Variants in RYR3 observed in about 807,000 individuals in gnomAD.
The protein encoded by RYR3 is brain ryanodine receptor-calcium release channel.
RYR3 carries 207 observed loss-of-function variants against 584.3 expected under a neutral mutation model. That is an observed-to-expected ratio of 0.35 (90% CI 0.32 to 0.40). The LOEUF (loss-of-function observed/expected upper bound fraction) is 0.40, where lower values mean the gene tolerates loss of function less well. RYR3 is among the 10% of genes least tolerant of loss of function. The probability of loss-of-function intolerance (pLI) is 1.00; values close to 1 mark genes in which losing one functional copy is unlikely to be tolerated. For synonymous variants in RYR3, 2,416 were observed against 2,248.5 expected, an observed-to-expected ratio of 1.07 and a Z score of -2.11; for missense variants, 5,616 against 6,089.2, an observed-to-expected ratio of 0.92 and a Z score of 2.59.
At chr15:33,517,694 G>A (rs757396189) in intron 3 of RYR3, among the ~76,000 whole-genome samples, 1 of 152,070 alleles carries the variant, frequency 6.6e-6, no homozygotes, top group African/African-American at 2.4e-5. Context: ...TCTACCCCAG[G>A]ACATGACATT....
In RYR3 at chr15:33,836,908, T is replaced by C. The variant is rs766163909; in HGVS notation, c.11571T>C (p.Asp3857=). The change falls in exon 88 of 104, where the codon GAT becomes GAC. Residue 3857 remains aspartate, a splice_region_variant and synonymous_variant. Transcript: ENST00000634891. ...GGTATCTCCTGTTTCTGTTCTAGGATTCCAGTCAGATCGAGCTGCTGAAGG... is the reference window on the plus strand; with the variant it reads ...GGTATCTCCTGTTTCTGTTCTAGGACTCCAGTCAGATCGAGCTGCTGAAGG... ...FANMQMKLSQ[D]SSQIELLKEL... 5 of 1,613,024 alleles carry C rather than the reference T, an allele frequency of 3.1e-6. No homozygotes were observed. Among genetic ancestry groups the C allele is most frequent in the Non-Finnish European group, 4.2e-6 (5 of 1,179,454 alleles).
At chr15:33,397,587 C>T (rs1340010114) in intron 1 of RYR3, among the ~76,000 whole-genome samples, 1 of 152,120 alleles carries the variant, frequency 6.6e-6, no homozygotes, top group Admixed American at 6.5e-5. Flanking sequence ...GGGGCATCGT[C>T]TGTGATTTAG....
At chr15:33,396,632 A>C (rs1417144569) in intron 1 of RYR3, among the ~76,000 whole-genome samples, 5 of 152,172 alleles carry the variant, frequency 3.3e-5, no homozygotes, top group Non-Finnish European at 5.9e-5. Context: ...CCTGTGTACA[A>C]ATCTAATGCA....
At position 33,645,396 on chromosome 15, in the gene RYR3, G is replaced by C. The variant is rs145035551; in HGVS notation, c.3765+877G>C. 1.3e-3 allele frequency among the ~76,000 whole-genome samples: 194 copies of C among 152,256 alleles called. 1 individual carries two copies. The highest frequency in any genetic ancestry group is 4.5e-3 in the African/African-American group (189 of 41,542). Reference sequence around the variant, plus strand: ...TTAGTCAAGTTAGATTCAGTGGTTTGCTTCAACCTCACTGTAAGTTCCTTA... The same window carrying C: ...TTAGTCAAGTTAGATTCAGTGGTTTCCTTCAACCTCACTGTAAGTTCCTTA... On this transcript the variant is annotated intron_variant, in intron 28 of 103. Coordinates refer to ENST00000634891, the MANE Select transcript of RYR3 (RefSeq NM_001036.6).
At chr15:33,627,450 C>T (rs2061050632) in intron 20 of RYR3, among the ~76,000 whole-genome samples, 1 of 151,950 alleles carries the variant, frequency 6.6e-6, no homozygotes, top group South Asian at 2.1e-4. Flanking sequence ...GGAGGATAAA[C>T]GTTGAAGGTA....
Position 33,785,807 on chromosome 15 carries a change from C to T in RYR3, c.9414C>T (p.Leu3138=). The T allele has an allele frequency of 3.1e-6, 5 of 1,613,982 alleles. No individual in the cohort carries two copies. The highest frequency in any genetic ancestry group is 4.2e-6 in the Non-Finnish European group (5 of 1,179,896). ...PHVIEVILPM[L]CNYLSYWWER... is the part of the protein sequence containing the mutation. ...TCATCGAGGTGATCTTACCCATGCTCTGCAACTACTTGTCCTACTGGTGGG... is the reference window on the plus strand; with the variant it reads ...TCATCGAGGTGATCTTACCCATGCTTTGCAACTACTTGTCCTACTGGTGGG... Residue 3138 remains leucine, a synonymous_variant, in exon 66 of 104, where the codon CTC becomes CTT. Coordinates refer to ENST00000634891, the MANE Select transcript of RYR3 (RefSeq NM_001036.6).
chr15:33,647,663 G>A (rs866732797), intron 30 of RYR3, among the ~76,000 whole-genome samples: 2 of 152,238 alleles, frequency 1.3e-5, no homozygotes, highest in East Asian at 3.9e-4. Flanking sequence ...CAAAGCAAAA[G>A]CTCTACCTGG....
chr15:33,802,073 A>G, intron 69 of RYR3, 112 bp downstream of exon 69: 1 of 789,420 alleles, frequency 1.3e-6, no homozygotes, highest in Non-Finnish European at 2.3e-6. Flanking sequence ...AGGTCAAACT[A>G]CATGACCAAC....
At chr15:33,512,671 G>A (rs1353917639) in intron 3 of RYR3, among the ~76,000 whole-genome samples, 1 of 152,172 alleles carries the variant, frequency 6.6e-6, no homozygotes, top group Non-Finnish European at 1.5e-5. Flanking sequence ...CCTTGCTGTG[G>A]ACATTGGAAT....
intron 1 of RYR3, among the ~76,000 whole-genome samples, chr15:33,380,755 C>T (rs556143235): frequency 7.2e-5 from 11 of 152,278 alleles, no homozygotes; most frequent in Admixed American, 2.0e-4. Flanking sequence ...TCAGAGCCCA[C>T]GAAGCAGCAC....
intron 93 of RYR3, chr15:33,847,762 A>C (rs1205700379): frequency 6.6e-6 from 1 of 152,508 alleles, no homozygotes; most frequent in Admixed American, 6.5e-5. Context: ...CTCAGGAAGA[A>C]AACTTCATAC....
intron 88 of RYR3, 66 bp downstream of exon 88, chr15:33,837,053 A>G: frequency 8.0e-7 from 1 of 1,255,938 alleles, no homozygotes; most frequent in Non-Finnish European, 1.1e-6. Flanking sequence ...AACCTTACTG[A>G]TCATGCAGAT....
intron 53 of RYR3, among the ~76,000 whole-genome samples, chr15:33,747,054 TC>T (rs1432053461): frequency 4.0e-5 from 6 of 151,894 alleles, no homozygotes; most frequent in Non-Finnish European, 7.4e-5. Flanking sequence ...CAAGCAATCC[TC>T]CCACCTCGGC....
chr15:33,427,553 C>T (rs1298545835), intron 1 of RYR3, among the ~76,000 whole-genome samples: 3 of 152,076 alleles, frequency 2.0e-5, no homozygotes, highest in African/African-American at 4.8e-5. Context: ...CTAGTATTCT[C>T]GTTTTGAAAA....
intron 1 of RYR3, among the ~76,000 whole-genome samples, chr15:33,407,220 A>T (rs1430770860): frequency 6.6e-6 from 1 of 152,236 alleles, no homozygotes; most frequent in African/African-American, 2.4e-5. Flanking sequence ...CCACCTCTTA[A>T]TACCACCACT....
chr15:33,745,085 G>GAGACAGAC (rs144070389), intron 52 of RYR3, among the ~76,000 whole-genome samples: 1 of 152,142 alleles, frequency 6.6e-6, no homozygotes, highest in Non-Finnish European at 1.5e-5. Context: ...GTGGGTGAGA[G>GAGACAGAC]AGACAGACAG....
intron 2 of RYR3, among the ~76,000 whole-genome samples, chr15:33,481,492 T>G (rs1416864779): frequency 1.3e-5 from 2 of 152,006 alleles, no homozygotes; most frequent in African/African-American, 2.4e-5. Context: ...TTTTTTTGGG[T>G]TTTTTTGAGA....
chr15:33,630,638 A>G (rs959209769), intron 22 of RYR3, among the ~76,000 whole-genome samples: 3 of 152,304 alleles, frequency 2.0e-5, no homozygotes, highest in Non-Finnish European at 2.9e-5. Context: ...GATACCTTCA[A>G]TTACACTGGC....
rs5811756 is a variant in RYR3, at chr15:33,392,199, C to CA, written c.51+81119dup. On this transcript the variant is annotated intron_variant, in intron 1 of 103. Coordinates refer to ENST00000634891, the MANE Select transcript of RYR3 (RefSeq NM_001036.6). ...CAGAGCCAGGCACGTGGTAAGCCCTCAAAAAAAAAAAAAAAATCGAAGTCA... is the reference window on the plus strand; with the variant it reads ...CAGAGCCAGGCACGTGGTAAGCCCTCAAAAAAAAAAAAAAAAATCGAAGTCA... Among the ~76,000 whole-genome samples the CA allele has an allele frequency of 3.1e-3, 429 of 138,300 alleles. 2 individuals are homozygous for CA. Among genetic ancestry groups the CA allele is most frequent in the East Asian group, 0.013 (56 of 4,472 alleles). 90.7% of individuals were successfully genotyped at this position (138,300 alleles called of 152,430 possible). A position where few individuals can be genotyped will look rare whatever the true frequency, so the allele number is the denominator to read the frequency against.
Sources: allele counts gnomAD v4.1 joint callset (sites outside exome capture counted in the v4.1 genomes callset), GRCh38; gene constraint gnomAD v4.1.1; transcripts MANE v1.5; gene names NCBI Gene and HGNC (gene_info 2026-07-23, HGNC 2026-07-21).